The following AIMP2 variants were observed in gnomAD, a reference collection of about 807,000 sequenced individuals.
AIMP2 encodes aminoacyl tRNA synthase complex-interacting multifunctional protein 2.
AIMP2 carries 20 observed loss-of-function variants against 23.4 expected under a neutral mutation model. The observed-to-expected ratio is 0.85, with a 90% CI of 0.60 to 1.24. The LOEUF (loss-of-function observed/expected upper bound fraction) is 1.24. AIMP2 is among the 50% of genes most tolerant of loss of function. The pLI, the probability that AIMP2 is intolerant of heterozygous loss-of-function variation, is 0.00. For missense variants in AIMP2, 515 were observed against 414.5 expected (o/e 1.24, Z -2.10); for synonymous variants, 210 against 170.4 (o/e 1.23, Z -1.81).
chr7:6,018,096 C>CA, intron 3 of AIMP2, 51 bp downstream of exon 3: 1 of 1,431,062 alleles, frequency 7.0e-7, no homozygotes, highest in Non-Finnish European at 9.7e-7. Flanking sequence ...CCTTGAACAC[C>CA]ATGAGTTTCA....
chr7:6,017,714 G>T (rs1006523917), intron 2 of AIMP2, 100 bp from the exon 3 acceptor site: 8 of 996,514 alleles, frequency 8.0e-6, no homozygotes, highest in East Asian at 2.6e-5. Flanking sequence ...GGAAGTGGCG[G>T]AGTCGGTTAG....
At chr7:6,011,530 A>G (rs1002205756) in intron 1 of AIMP2, among the ~76,000 whole-genome samples, 2 of 152,220 alleles carry the variant, frequency 1.3e-5, no homozygotes, top group Non-Finnish European at 2.9e-5. Context: ...TTCTGACACA[A>G]GATGGGTGAA....
chr7:6,020,432 AAAG>A (rs1787318051), intron 3 of AIMP2, among the ~76,000 whole-genome samples: 1 of 152,196 alleles, frequency 6.6e-6, no homozygotes, highest in African/African-American at 2.4e-5. Flanking sequence ...AAAAAAAAGA[AAAG>A]AAAATGCAGC....
chr7:6,017,505 A>G (rs1210013123), intron 2 of AIMP2, among the ~76,000 whole-genome samples: 1 of 146,428 alleles, frequency 6.8e-6, no homozygotes, highest in African/African-American at 2.6e-5. Context: ...CCTGTGTGAC[A>G]GAGTGAGACT....
intron 1 of AIMP2, chr7:6,012,866 T>C (rs1024165014): frequency 8.1e-6 from 8 of 993,062 alleles, no homozygotes; most frequent in Non-Finnish European, 9.6e-6. Context: ...CTCAATAATT[T>C]AATTGGCATA....
At chr7:6,012,175 C>T (rs191674362) in intron 1 of AIMP2, among the ~76,000 whole-genome samples, 28 of 151,858 alleles carry the variant, frequency 1.8e-4, no homozygotes, top group Non-Finnish European at 3.7e-4. Flanking sequence ...ATCACTTGAG[C>T]CCAGGAGGTC....
chr7:6,015,977 C>A (rs770537886), intron 2 of AIMP2, among the ~76,000 whole-genome samples: 1 of 152,130 alleles, frequency 6.6e-6, no homozygotes, highest in Non-Finnish European at 1.5e-5. Context: ...AGCTTCTGAG[C>A]CCTGGAAGAA....
intron 1 of AIMP2, 83 bp from the exon 2 acceptor site, chr7:6,015,063 G>A: frequency 6.2e-7 from 1 of 1,600,502 alleles, no homozygotes; most frequent in East Asian, 2.2e-5. Flanking sequence ...GTGAGTGCAT[G>A]GCAAAGTAAG....
chr7:6,009,974 A>AAAAAAAACATATATATATAT, intron 1 of AIMP2, among the ~76,000 whole-genome samples: 2 of 26,662 alleles, frequency 7.5e-5, no homozygotes, highest in Non-Finnish European at 1.4e-4. Flanking sequence ...AAAAAAAAAA[A>AAAAAAAACATATATATATAT]ATATATATAT....
intron 1 of AIMP2, among the ~76,000 whole-genome samples, chr7:6,009,970 A>ATATACATATATAT (rs1170519704): frequency 2.9e-5 from 1 of 34,618 alleles, no homozygotes; most frequent in African/African-American, 1.0e-4. Context: ...AAAAAAAAAA[A>ATATACATATATAT]AAAAATATAT....
chr7:6,011,599 G>C (rs1786694860), intron 1 of AIMP2, among the ~76,000 whole-genome samples: 1 of 152,062 alleles, frequency 6.6e-6, no homozygotes, highest in South Asian at 2.1e-4. Flanking sequence ...TTCTTTAATG[G>C]CTTTCTGCCT....
intron 3 of AIMP2, chr7:6,023,083 A>C: frequency 1.8e-6 from 1 of 545,070 alleles, no homozygotes; most frequent in Non-Finnish European, 3.1e-6. Flanking sequence ...ATCAAATACC[A>C]GGAATGACTC....
chr7:6,023,816 A>G lies in AIMP2; in HGVS notation c.*125A>G, dbSNP rs775012804. On this transcript the variant is annotated 3_prime_UTR_variant, in exon 4 of 4. Coordinates refer to ENST00000223029, the MANE Select transcript of AIMP2 (RefSeq NM_006303.4). ...TTTAGGCCAGTTGTCAAGTGTCAAT[A>G]AAAGCATCATGTAATTTATGGTTTT... 2.5e-6 allele frequency: 4 copies of G among 1,571,998 alleles called. No homozygotes were observed. Among genetic ancestry groups the G allele is most frequent in the African/African-American group, 2.7e-5 (2 of 74,076 alleles).
chr7:6,009,650 G>T (rs6976251), intron 1 of AIMP2, 152 bp downstream of exon 1: 3 of 631,970 alleles, frequency 4.7e-6, no homozygotes, highest in Non-Finnish European at 6.9e-6. Flanking sequence ...AGACTTTTAT[G>T]TTTTAAAAGA....
At chr7:6,012,759 A>G in intron 1 of AIMP2, 1 of 849,088 alleles carries the variant, frequency 1.2e-6, no homozygotes, top group Non-Finnish European at 1.5e-6. Flanking sequence ...GAGTTTCATC[A>G]TGTTGTCCTC....
intron 1 of AIMP2, among the ~76,000 whole-genome samples, chr7:6,012,316 A>G (rs1786741718): frequency 6.6e-6 from 1 of 152,172 alleles, no homozygotes; most frequent in Non-Finnish European, 1.5e-5. Context: ...AACATGAAGA[A>G]TAAGCTGTTT....
At chr7:6,018,347 A>T (rs1787163072) in intron 3 of AIMP2, among the ~76,000 whole-genome samples, 1 of 150,278 alleles carries the variant, frequency 6.7e-6, no homozygotes, top group East Asian at 2.0e-4. Flanking sequence ...ACGGGGTTTC[A>T]CTATATTGGT....
intron 2 of AIMP2, chr7:6,016,822 A>G (rs1233671447): frequency 6.6e-6 from 1 of 152,482 alleles, no homozygotes; most frequent in East Asian, 1.9e-4. Flanking sequence ...CAGTGCATTC[A>G]TTATTACGAG....
At chr7:6,009,974 A>ATATATATATATAT (rs1554310935) in intron 1 of AIMP2, among the ~76,000 whole-genome samples, 11 of 26,648 alleles carry the variant, frequency 4.1e-4, no homozygotes, top group South Asian at 2.3e-3. Flanking sequence ...AAAAAAAAAA[A>ATATATATATATAT]ATATATATAT....
Sources: gnomAD v4.1 joint callset for allele counts (sites outside exome capture counted in the v4.1 genomes callset) on GRCh38, gnomAD v4.1.1 for gene constraint, MANE v1.5 for transcripts, NCBI Gene and HGNC (gene_info 2026-07-23, HGNC 2026-07-21) for gene names.